The following ACSM2A variants were observed in gnomAD, a reference collection of about 807,000 sequenced individuals.
ACSM2A encodes the protein acyl-coenzyme A synthetase ACSM2A, mitochondrial.
A neutral mutation model predicts 76.6 loss-of-function variants in ACSM2A; 72 were observed. That is an observed-to-expected ratio of 0.94 (90% CI 0.78 to 1.14). The LOEUF is 1.14. Among genes scored for constraint, ACSM2A ranks in the 50% most tolerant of loss-of-function variants. ACSM2A has a pLI of 0.00. For synonymous variants in ACSM2A, 249 were observed against 255.9 expected, an observed-to-expected ratio of 0.97 and a Z score of 0.26; for missense variants, 684 against 708.5, an observed-to-expected ratio of 0.97 and a Z score of 0.39.
intron 1 of ACSM2A, chr16:20,453,889 T>C (rs1316534535): frequency 7.8e-6 from 1 of 128,444 alleles, no homozygotes; most frequent in Non-Finnish European, 1.6e-5. Flanking sequence ...ATTGGGAAAT[T>C]CCAGCCGGGT....
intron 1 of ACSM2A, among the ~76,000 whole-genome samples, chr16:20,458,931 TA>T (rs2012428361): frequency 1.8e-5 from 1 of 56,768 alleles, no homozygotes; most frequent in Non-Finnish European, 3.1e-5. Flanking sequence ...TATATATATA[TA>T]CATATATATA....
chr16:20,471,389 A>T (rs551444412), intron 5 of ACSM2A, 147 bp from the exon 6 acceptor site: 2 of 1,478,610 alleles, frequency 1.4e-6, no homozygotes, highest in South Asian at 2.7e-5. Flanking sequence ...CTTCCTACTT[A>T]TACATAGACA....
chr16:20,465,393 T>C (rs2012922984), intron 2 of ACSM2A, 124 bp from the exon 3 acceptor site: 1 of 1,259,740 alleles, frequency 7.9e-7, no homozygotes. Context: ...CCTTTTAAGA[T>C]TGTATGGAGG....
chr16:20,479,418 C>T (rs1243911578), intron 10 of ACSM2A, among the ~76,000 whole-genome samples: 1 of 152,146 alleles, frequency 6.6e-6, no homozygotes, highest in East Asian at 1.9e-4. Flanking sequence ...TTAATCCTCC[C>T]AGCCACCCTA....
intron 6 of ACSM2A, 85 bp downstream of exon 6, chr16:20,471,774 A>G: frequency 1.3e-6 from 2 of 1,543,932 alleles, no homozygotes; most frequent in South Asian, 2.6e-5. Flanking sequence ...GTTTCAATTC[A>G]TCTAATTTTT....
chr16:20,479,747 ACAGACT>A (rs1430106547), intron 10 of ACSM2A, among the ~76,000 whole-genome samples: 1 of 152,170 alleles, frequency 6.6e-6, no homozygotes, highest in Non-Finnish European at 1.5e-5. Flanking sequence ...AGAAAAGGAA[ACAGACT>A]CAGAAGCGTC....
At chr16:20,465,403 G>A in intron 2 of ACSM2A, 114 bp from the exon 3 acceptor site, 1 of 1,352,630 alleles carries the variant, frequency 7.4e-7, no homozygotes, top group Non-Finnish European at 1.0e-6. Flanking sequence ...TTGTATGGAG[G>A]TGCTGAGATA....
At chr16:20,467,372 C>A (rs572043167) in intron 3 of ACSM2A, among the ~76,000 whole-genome samples, 1 of 142,306 alleles carries the variant, frequency 7.0e-6, no homozygotes, top group Non-Finnish European at 1.5e-5. Flanking sequence ...GAGTGACACT[C>A]AAACCATTGA....
In ACSM2A at chr16:20,482,582, G is replaced by C. The variant is rs1271269231; in HGVS notation, c.1510-476G>C. The C allele has an allele frequency of 2.5e-5, 4 of 162,734 alleles. No individual in the cohort carries two copies. In the South Asian group the frequency reaches 6.8e-4, roughly 28 times the overall value. The allele number at this position is 162,734 out of a possible 1,614,324, so 10.1% of individuals were successfully genotyped here. Reference sequence around the variant, plus strand: ...AATTATGGGAACCACTGAGCAGTGAGGCCATGGGGGATCCCCTGCTGAGAA... The same window carrying C: ...AATTATGGGAACCACTGAGCAGTGACGCCATGGGGGATCCCCTGCTGAGAA... On this transcript the variant is annotated intron_variant, in intron 12 of 13. Transcript: ENST00000573854.
intron 8 of ACSM2A, chr16:20,476,555 C>A: frequency 1.0e-6 from 1 of 985,358 alleles, no homozygotes; most frequent in Non-Finnish European, 1.2e-6. Context: ...GCAAGCATAC[C>A]CTGGCAGGGG....
At position 20,486,680 on chromosome 16, in the gene ACSM2A, A is replaced by G. The variant is rs3209133; in HGVS notation, c.*2A>G. The stretch of plus-strand genomic sequence containing the variant: ...TCCGGAAAAGCCCGTGCGCAGTGAG[A>G]CATCTAAGAGACATTCATTTGGATT... On this transcript the variant is annotated 3_prime_UTR_variant, in exon 14 of 14. Coordinates refer to ENST00000573854, the MANE Select transcript of ACSM2A (RefSeq NM_001308172.2). The G allele has an allele frequency of 4.0e-5, 65 of 1,614,044 alleles. No individual in the cohort carries two copies. The African/African-American group carries it at 7.2e-4, about 18-fold the overall frequency.
chr16:20,472,645 GC>G (rs1262787738), intron 6 of ACSM2A, among the ~76,000 whole-genome samples: 2 of 151,630 alleles, frequency 1.3e-5, no homozygotes, highest in Non-Finnish European at 2.9e-5. Flanking sequence ...GACAGCATCT[GC>G]CCCCCATAAG....
rs145661413 is a variant in ACSM2A at position 20,478,578 on chromosome 16, C to T, written c.1182C>T (p.Ile394=). The change falls in exon 10 of 14, where the codon ATC becomes ATT. Residue 394 remains isoleucine (I), a splice_region_variant and synonymous_variant. Coordinates refer to ENST00000573854, the MANE Select transcript of ACSM2A (RefSeq NM_001308172.2). The part of the protein sequence containing the change: ...GTAASCYDVQ[I]IDDKGNVLPP... ...TTCCAATCTGCTTCTTTCTCCAGAT[C>T]ATAGATGATAAGGGCAACGTCCTGC... 12 of 1,613,344 alleles carry T rather than the reference C, an allele frequency of 7.4e-6. No homozygotes were observed. Among genetic ancestry groups the T allele is most frequent in the Non-Finnish European group, 9.3e-6 (11 of 1,179,544 alleles).
intron 13 of ACSM2A, 120 bp from the exon 14 acceptor site, chr16:20,486,454 G>A (rs1021646501): frequency 2.9e-5 from 31 of 1,083,296 alleles, no homozygotes; most frequent in African/African-American, 1.1e-4. Flanking sequence ...TATTGCACAG[G>A]GCAGCTGCCC....
rs151275376 is a variant in ACSM2A, at chr16:20,470,659, A to C, written c.597-414A>C. Among the ~76,000 whole-genome samples the C allele has an allele frequency of 5.3e-3, 811 of 152,298 alleles. 10 individuals are homozygous for C. The highest frequency in any genetic ancestry group is 0.018 in the African/African-American group (761 of 41,556). Reference sequence around the variant, plus strand: ...AGAGAATGCCAAGAAAGTACTTGGAAAACTTGTATTAATTCCACCCCTCCT... The same window carrying C: ...AGAGAATGCCAAGAAAGTACTTGGACAACTTGTATTAATTCCACCCCTCCT... On this transcript the variant is annotated intron_variant, in intron 4 of 13. Transcript: ENST00000573854.
At chr16:20,459,022 G>A (rs1483184905) in intron 1 of ACSM2A, among the ~76,000 whole-genome samples, 7 of 148,558 alleles carry the variant, frequency 4.7e-5, no homozygotes. Flanking sequence ...GGAGACCATC[G>A]TTCAAAGTGA....
In ACSM2A at chr16:20,470,744, T is replaced by C. The variant is rs184093619; in HGVS notation, c.597-329T>C. The C allele has an allele frequency of 1.3e-3, 641 of 509,066 alleles. 11 individuals carry two copies. The East Asian group carries it at 0.029, about 23-fold the overall frequency. The allele number at this position is 509,066 out of a possible 1,614,324, so 31.5% of individuals were successfully genotyped here. A position where few individuals can be genotyped will look rare whatever the true frequency, so the allele number is the denominator to read the frequency against. ...AATTAGATTAGCATTTATTGAGTTCTTACTAAGCAATTTGCTCATTTCTTT... is the reference window on the plus strand; with the variant it reads ...AATTAGATTAGCATTTATTGAGTTCCTACTAAGCAATTTGCTCATTTCTTT... On this transcript the variant is annotated intron_variant, in intron 4 of 13. Coordinates refer to ENST00000573854, the MANE Select transcript of ACSM2A (RefSeq NM_001308172.2).
rs2014180940 is a variant in ACSM2A, at chr16:20,483,066, G to A, written c.1518G>A (p.Lys506=). The change falls in exon 13 of 14, where the codon AAG becomes AAA. Residue 506 remains lysine, a synonymous_variant. Transcript: ENST00000573854. ...CTTCATCTTTTTTGCAGGTGGTGAA[G>A]GCATTTGTGGTCCTGGCCTCGCAGT... is the stretch of plus-strand genomic sequence containing the variant. The part of the protein sequence containing the change: ...SPDPVRGEVV[K]AFVVLASQFL... 3.1e-6 allele frequency: 5 copies of A among 1,613,896 alleles called. No individual in the cohort carries two copies. The highest frequency in any genetic ancestry group is 4.2e-6 in the Non-Finnish European group (5 of 1,179,870).
intron 6 of ACSM2A, among the ~76,000 whole-genome samples, chr16:20,472,294 TGC>T (rs997241018): frequency 2.0e-5 from 3 of 152,188 alleles, no homozygotes; most frequent in African/African-American, 7.2e-5. Flanking sequence ...GAGATCAGGG[TGC>T]CAGCATAATT....
Sources: allele counts gnomAD v4.1 joint callset (sites outside exome capture counted in the v4.1 genomes callset), GRCh38; gene constraint gnomAD v4.1.1; transcripts MANE v1.5; gene names NCBI Gene and HGNC (gene_info 2026-07-23, HGNC 2026-07-21).